Variants in GUCY2C observed in about 807,000 individuals in gnomAD.
The protein encoded by GUCY2C is guanylyl cyclase C.
Under a neutral mutation model 131.1 loss-of-function variants are expected in GUCY2C, and 118 were observed. The ratio of observed to expected loss-of-function variants is 0.90; its 90% CI spans 0.78 to 1.05. The LOEUF (loss-of-function observed/expected upper bound fraction) is 1.05. Among genes scored for constraint, GUCY2C ranks in the 50% least tolerant of loss-of-function variants. GUCY2C has a pLI of 0.00. For missense variants in GUCY2C, 1,161 were observed against 1,304.4 expected (o/e 0.89, Z 1.69); for synonymous variants, 452 against 457.8 (o/e 0.99, Z 0.16).
chr12:14,671,269 C>A (rs1222156536), intron 9 of GUCY2C, among the ~76,000 whole-genome samples: 2 of 152,128 alleles, frequency 1.3e-5, no homozygotes, highest in African/African-American at 2.4e-5. Context: ...TCCCAAGTAG[C>A]TGGAATTACA....
intron 11 of GUCY2C, among the ~76,000 whole-genome samples, chr12:14,658,418 T>C (rs1947801534): frequency 6.6e-6 from 1 of 152,226 alleles, no homozygotes; most frequent in South Asian, 2.1e-4. Context: ...GGCTCACACC[T>C]ATAATCCCAG....
intron 16 of GUCY2C, among the ~76,000 whole-genome samples, chr12:14,644,202 TGGC>T (rs3083877): frequency 0.84 from 127,302 of 151,966 alleles, 57,455 homozygotes; most frequent in East Asian, 0.99. Context: ...AGGGGAAGCC[TGGC>T]CCCCGTGATG....
Position 14,696,314 on chromosome 12 carries a change from T to A in GUCY2C, c.135A>T (p.Ser45=), listed in dbSNP as rs762869844. Residue 45 remains serine (S), a synonymous_variant, in exon 1 of 27, where the codon TCA becomes TCT. Transcript: ENST00000261170. ...AGTTTTTCAGGGGCTCTGCAAAGGC[T>A]GAGTTGCCCATCATCAGGACGCTGA... The part of the protein sequence containing the change: ...YEISVLMMGN[S]AFAEPLKNLE... 6.2e-7 allele frequency: 1 copy of A among 1,614,172 alleles called. No individual in the cohort carries two copies. The highest frequency in any genetic ancestry group is 1.1e-5 in the South Asian group (1 of 91,088).
At chr12:14,629,362 T>TAATCACTCCAGCACCTGG (rs1255783808) in intron 19 of GUCY2C, among the ~76,000 whole-genome samples, 29 of 152,064 alleles carry the variant, frequency 1.9e-4, no homozygotes, top group African/African-American at 6.8e-4. Context: ...AAGATAAGGG[T>TAATCACTCCAGCACCTGG]AATCACTCCA....
At chr12:14,682,782 G>C (rs78609555) in intron 4 of GUCY2C, among the ~76,000 whole-genome samples, 1 of 152,138 alleles carries the variant, frequency 6.6e-6, no homozygotes, top group Non-Finnish European at 1.5e-5. Context: ...ATAACGTACT[G>C]CAGGAAATCA....
chr12:14,679,831 TTGAATCCAGTATGTTAATGTTAAA>T, intron 5 of GUCY2C, 78 bp from the exon 6 acceptor site: 1 of 744,342 alleles, frequency 1.3e-6, no homozygotes. Flanking sequence ...TTGCCTGAAT[TTGAATCCAGTATGTTAATGTTAAA>T]TTTTTTAAAG....
At chr12:14,679,254 T>TG (rs1948298858) in intron 6 of GUCY2C, among the ~76,000 whole-genome samples, 1 of 152,150 alleles carries the variant, frequency 6.6e-6, no homozygotes, top group Admixed American at 6.5e-5. Context: ...TTAATAGAGA[T>TG]GGGGTCTCAC....
chr12:14,636,985 TG>T (rs1947282928), intron 19 of GUCY2C, among the ~76,000 whole-genome samples: 1 of 151,496 alleles, frequency 6.6e-6, no homozygotes, highest in Non-Finnish European at 1.5e-5. Flanking sequence ...CCCTGCTACT[TG>T]GGAGGCTGAG....
At chr12:14,643,422 C>G (rs1947449581) in intron 17 of GUCY2C, 152 bp downstream of exon 17, 2 of 632,562 alleles carry the variant, frequency 3.2e-6, no homozygotes, top group Non-Finnish European at 5.5e-6. Flanking sequence ...CGTTGACTGA[C>G]AAGTGTGAAG....
intron 17 of GUCY2C, among the ~76,000 whole-genome samples, chr12:14,642,810 C>T (rs186547323): frequency 2.6e-5 from 4 of 152,244 alleles, no homozygotes; most frequent in African/African-American, 9.6e-5. Context: ...AGTTCAATAT[C>T]ATATTATGCT....
At chr12:14,679,228 TC>T in intron 6 of GUCY2C, among the ~76,000 whole-genome samples, 1 of 152,150 alleles carries the variant, frequency 6.6e-6, no homozygotes, top group Non-Finnish European at 1.5e-5. Flanking sequence ...GTTTTTCCTT[TC>T]TTTCTTTTTT....
intron 12 of GUCY2C, among the ~76,000 whole-genome samples, chr12:14,654,354 G>A (rs1947721711): frequency 1.3e-5 from 2 of 152,138 alleles, no homozygotes; most frequent in Admixed American, 1.3e-4. Flanking sequence ...CTGACTTCGG[G>A]TGACCTTGGG....
At chr12:14,695,184 C>T (rs1948634636) in intron 1 of GUCY2C, among the ~76,000 whole-genome samples, 3 of 152,056 alleles carry the variant, frequency 2.0e-5, no homozygotes, top group African/African-American at 4.8e-5. Flanking sequence ...TCACCAACCA[C>T]GTTCTTAAAA....
intron 19 of GUCY2C, among the ~76,000 whole-genome samples, chr12:14,632,325 TGCCTAG>T (rs1476524343): frequency 1.3e-5 from 2 of 152,128 alleles, no homozygotes; most frequent in Non-Finnish European, 2.9e-5. Flanking sequence ...TGAATGGTAA[TGCCTAG>T]GTTTTCTTCT....
rs758712725 is a variant in GUCY2C at position 14,639,730 on chromosome 12, C to T, written c.2157+132G>A. The stretch of plus-strand genomic sequence containing the variant: ...TTAGCTCTTCTGGAGGAAGTGTGGC[C>T]TTGCTGAACACTTGATTTCAGACTT... On this transcript the variant is annotated intron_variant, in intron 19 of 26. Coordinates refer to ENST00000261170, the MANE Select transcript of GUCY2C (RefSeq NM_004963.4). The T allele has an allele frequency of 2.0e-4, 128 of 635,600 alleles. 1 individual carries two copies. The highest frequency in any genetic ancestry group is 3.2e-4 in the Non-Finnish European group (113 of 358,262). The allele number at this position is 635,600 out of a possible 1,614,324, so 39.4% of individuals were successfully genotyped here. A position where few individuals can be genotyped will look rare whatever the true frequency, so the allele number is the denominator to read the frequency against.
Position 14,628,738 on chromosome 12 carries a change from C to A in GUCY2C, c.2158-1G>T. ...AACAGTTTTTTACAAGTAGGTACAC[C>A]TGGAAGAAAAAAAAACGGGCAAATT... On this transcript the variant is annotated splice_acceptor_variant, in intron 19 of 26. Coordinates refer to ENST00000261170, the MANE Select transcript of GUCY2C (RefSeq NM_004963.4). LOFTEE classifies it high-confidence loss of function. 1 of 1,506,174 alleles carries A rather than the reference C, an allele frequency of 6.6e-7. No homozygotes were observed. The highest frequency in any genetic ancestry group is 1.1e-5 in the South Asian group (1 of 88,242). The allele number at this position is 1,506,174 out of a possible 1,614,324, so 93.3% of individuals were successfully genotyped here. A position where few individuals can be genotyped will look rare whatever the true frequency, so the allele number is the denominator to read the frequency against.
Position 14,622,032 on chromosome 12 carries a change from G to A in GUCY2C, c.2574C>T (p.His858=). 1 of 1,605,200 alleles carries A rather than the reference G, an allele frequency of 6.2e-7. No individual in the cohort carries two copies. Reference sequence around the variant, plus strand: ...TGTAGACATCATGATGATCAACAATGTGGTCAAAACTCTTATAGATGTCAT... The same window carrying A: ...TGTAGACATCATGATGATCAACAATATGGTCAAAACTCTTATAGATGTCAT... The part of the protein sequence containing the change: ...MLNDIYKSFD[H]IVDHHDVYKV... The change falls in exon 22 of 27, where the codon CAC becomes CAT. Residue 858 remains histidine (H), a synonymous_variant. Coordinates refer to ENST00000261170, the MANE Select transcript of GUCY2C (RefSeq NM_004963.4).
intron 20 of GUCY2C, among the ~76,000 whole-genome samples, chr12:14,628,360 A>G (rs888989328): frequency 6.6e-6 from 1 of 152,222 alleles, no homozygotes; most frequent in African/African-American, 2.4e-5. Flanking sequence ...TACCCACAGA[A>G]GGACCCAGAA....
chr12:14,641,256 G>A (rs1348449384), intron 17 of GUCY2C, 37 bp from the exon 18 acceptor site: 4 of 1,608,286 alleles, frequency 2.5e-6, no homozygotes, highest in South Asian at 2.2e-5. Flanking sequence ...AAGTTGAGGG[G>A]GGTGAGTGGT....
Sources: gnomAD v4.1 joint callset for allele counts (sites outside exome capture counted in the v4.1 genomes callset) on GRCh38, gnomAD v4.1.1 for gene constraint, MANE v1.5 for transcripts, NCBI Gene and HGNC (gene_info 2026-07-23, HGNC 2026-07-21) for gene names.